The following PAM variants were observed in gnomAD, a reference collection of about 807,000 sequenced individuals.
PAM encodes peptidylglycine alpha-amidating monooxygenase.
Under a neutral mutation model 122.1 loss-of-function variants are expected in PAM, and 72 were observed. The ratio of observed to expected loss-of-function variants is 0.59; its 90% CI spans 0.49 to 0.72. The LOEUF is 0.72. Ranked by LOEUF, PAM falls within the 30% of genes least tolerant of loss-of-function variation. The pLI, the probability that PAM is intolerant of heterozygous loss-of-function variation, is 0.00. For missense variants in PAM, 1,106 were observed against 1,183.7 expected (o/e 0.93, Z 0.96); for synonymous variants, 389 against 404.4 (o/e 0.96, Z 0.46).
At chr5:102,813,073 T>G (rs763713304) in intron 1 of PAM, among the ~76,000 whole-genome samples, 6 of 151,838 alleles carry the variant, frequency 4.0e-5, no homozygotes, top group Non-Finnish European at 8.8e-5. Context: ...TTTTGCTTAT[T>G]TGAAAAAAAA....
At chr5:102,817,173 C>G (rs1770146103) in intron 1 of PAM, among the ~76,000 whole-genome samples, 1 of 151,988 alleles carries the variant, frequency 6.6e-6, no homozygotes, top group Non-Finnish European at 1.5e-5. Flanking sequence ...TTATTTGAAA[C>G]CTAGCTGTTA....
At chr5:102,946,799 A>C (rs555750336) in intron 7 of PAM, 38 bp from the exon 8 acceptor site, 1 of 1,288,594 alleles carries the variant, frequency 7.8e-7, no homozygotes, top group South Asian at 1.2e-5. Context: ...TTTCTACATT[A>C]TCATATTTAA....
intron 1 of PAM, among the ~76,000 whole-genome samples, chr5:102,782,666 T>A (rs1189466933): frequency 1.3e-5 from 2 of 151,952 alleles, no homozygotes; most frequent in Non-Finnish European, 2.9e-5. Flanking sequence ...CAGAATCAGT[T>A]AAGTACCCAG....
intron 1 of PAM, among the ~76,000 whole-genome samples, chr5:102,775,476 T>C (rs935199721): frequency 2.0e-5 from 3 of 152,106 alleles, no homozygotes; most frequent in Non-Finnish European, 4.4e-5. Flanking sequence ...TAGCTATTTA[T>C]CCTGATGCTC....
At chr5:103,009,730 T>A (rs1780065094) in intron 20 of PAM, 21 bp from the exon 21 acceptor site, 1 of 1,274,460 alleles carries the variant, frequency 7.8e-7, no homozygotes, top group African/African-American at 1.5e-5. Context: ...AAAGAAAGGT[T>A]AACTGGATTT....
At chr5:102,907,416 G>T (rs1004127453) in intron 4 of PAM, among the ~76,000 whole-genome samples, 2 of 151,310 alleles carry the variant, frequency 1.3e-5, no homozygotes, top group African/African-American at 4.9e-5. Context: ...ATTGTGAATA[G>T]TGCCGCAATA....
At chr5:103,030,562 A>G (rs1239249921), downstream of PAM, 1 of 152,186 alleles carries the variant, frequency 6.6e-6, no homozygotes, top group Non-Finnish European at 1.5e-5. Flanking sequence ...CTAGCACTCC[A>G]CCTTTATTCT....
intron 24 of PAM, among the ~76,000 whole-genome samples, chr5:103,025,840 G>A (rs887411391): frequency 3.9e-5 from 6 of 152,076 alleles, no homozygotes; most frequent in Non-Finnish European, 7.4e-5. Flanking sequence ...ACCTTACAAG[G>A]TTGTACAAAG....
chr5:102,792,011 G>A (rs943834429), intron 1 of PAM, among the ~76,000 whole-genome samples: 1 of 152,140 alleles, frequency 6.6e-6, no homozygotes, highest in Admixed American at 6.5e-5. Flanking sequence ...ACTAATAAGG[G>A]TGAACATAAA....
chr5:102,850,887 G>C (rs759421194), intron 1 of PAM, among the ~76,000 whole-genome samples: 1 of 152,158 alleles, frequency 6.6e-6, no homozygotes, highest in Non-Finnish European at 1.5e-5. Context: ...AAAAGAGCAG[G>C]AGTAACTACT....
intron 1 of PAM, among the ~76,000 whole-genome samples, chr5:102,789,273 AT>A (rs1433208636): frequency 6.6e-6 from 1 of 152,090 alleles, no homozygotes; most frequent in East Asian, 1.9e-4. Flanking sequence ...TTATCTAGCA[AT>A]TTGATTTCTG....
intron 21 of PAM, among the ~76,000 whole-genome samples, chr5:103,010,386 G>C (rs1238375670): frequency 6.6e-6 from 1 of 152,116 alleles, no homozygotes; most frequent in Non-Finnish European, 1.5e-5. Context: ...GCTACTTTTG[G>C]CTTCAAAAGT....
At chr5:102,782,723 CTCTGTG>C (rs779872911) in intron 1 of PAM, among the ~76,000 whole-genome samples, 1 of 143,624 alleles carries the variant, frequency 7.0e-6, no homozygotes, top group East Asian at 2.0e-4. Flanking sequence ...CTCTCTCTCT[CTCTGTG>C]TGTGTGTGTG....
chr5:102,764,937 T>C (rs1219531499), intron 1 of PAM, among the ~76,000 whole-genome samples: 1 of 152,240 alleles, frequency 6.6e-6, no homozygotes, highest in African/African-American at 2.4e-5. Context: ...AATGTTTGTT[T>C]AGGCTTTCCA....
At chr5:102,933,605 T>G (rs986978636) in intron 7 of PAM, among the ~76,000 whole-genome samples, 1 of 151,704 alleles carries the variant, frequency 6.6e-6, no homozygotes, top group Non-Finnish European at 1.5e-5. Flanking sequence ...ACTGAAAGAG[T>G]AGTAGAGTGA....
Position 102,884,630 on chromosome 5 carries a change from G to A in PAM, c.211-16726G>A, listed in dbSNP as rs148672545. Among the ~76,000 whole-genome samples the A allele has an allele frequency of 8.9e-4, 135 of 151,992 alleles. 1 individual carries two copies. Among genetic ancestry groups the A allele is most frequent in the African/African-American group, 3.0e-3 (125 of 41,520 alleles). On this transcript the variant is annotated intron_variant, in intron 3 of 25. Transcript: ENST00000438793. ...TTGTTTCACTTATTTTCAGATTTAT[G>A]TAGTCTGAATTAATATTTCAATAAC...
chr5:102,829,364 T>G (rs1482592862), intron 1 of PAM, among the ~76,000 whole-genome samples: 13 of 138,354 alleles, frequency 9.4e-5, no homozygotes, highest in Admixed American at 8.0e-4. Flanking sequence ...AACTGGGAGG[T>G]TTTTTTTTTT....
intron 1 of PAM, among the ~76,000 whole-genome samples, chr5:102,815,988 A>T (rs1395273390): frequency 6.6e-6 from 1 of 152,144 alleles, no homozygotes; most frequent in Non-Finnish European, 1.5e-5. Context: ...TCATCTTTTC[A>T]ATAATGTCAA....
intron 7 of PAM, among the ~76,000 whole-genome samples, chr5:102,938,558 A>G (rs1413080175): frequency 3.9e-5 from 6 of 152,060 alleles, no homozygotes; most frequent in Non-Finnish European, 7.4e-5. Context: ...TAGTTCTTCT[A>G]GTTTTTTTGA....
Sources: allele counts gnomAD v4.1 joint callset (sites outside exome capture counted in the v4.1 genomes callset), GRCh38; gene constraint gnomAD v4.1.1; transcripts MANE v1.5; gene names NCBI Gene and HGNC (gene_info 2026-07-23, HGNC 2026-07-21).